The following MFSD11 variants were observed in gnomAD, a reference collection of about 807,000 sequenced individuals.
MFSD11 encodes UNC93-like protein MFSD11.
In MFSD11, 36 loss-of-function variants were observed where a neutral mutation model predicts 53.5. The ratio of observed to expected loss-of-function variants is 0.67; its 90% CI spans 0.52 to 0.89. The LOEUF (loss-of-function observed/expected upper bound fraction) is 0.89, where lower values mean the gene tolerates loss of function less well. Ranked by LOEUF, MFSD11 falls within the 40% of genes least tolerant of loss-of-function variation. The pLI, the probability that MFSD11 is intolerant of heterozygous loss-of-function variation, is 0.00. For synonymous variants in MFSD11, 186 were observed against 184.9 expected, an observed-to-expected ratio of 1.01 and a Z score of -0.05; for missense variants, 530 against 543.9, an observed-to-expected ratio of 0.97 and a Z score of 0.25.
the MFSD11 span, among the ~76,000 whole-genome samples, chr17:76,800,717 A>C: frequency 6.6e-6 from 1 of 152,116 alleles, no homozygotes; most frequent in African/African-American, 2.4e-5. Context: ...AAATAACCTT[A>C]AGATGTGTTT....
At chr17:76,802,346 G>A in the MFSD11 span, among the ~76,000 whole-genome samples, 2 of 152,082 alleles carry the variant, frequency 1.3e-5, no homozygotes, top group African/African-American at 2.4e-5. Flanking sequence ...TGGAGAAACT[G>A]GAACCCTCAC....
Position 76,738,515 on chromosome 17 carries a change from A to G in MFSD11, c.96+67A>G, listed in dbSNP as rs747742247. 1.5e-5 allele frequency: 18 copies of G among 1,208,866 alleles called. No homozygotes were observed. The East Asian group carries it at 1.7e-4, about 11-fold the overall frequency. The allele number at this position is 1,208,866 out of a possible 1,614,324, so 74.9% of individuals were successfully genotyped here. On this transcript the variant is annotated intron_variant, in intron 1 of 12. Coordinates refer to ENST00000685175, the MANE Select transcript of MFSD11 (RefSeq NM_001242532.5). The stretch of plus-strand genomic sequence containing the variant: ...TAATGCAGTCCAGAAATGAAAATAA[A>G]CGTTCATTATATCTAATAGCGCGCT...
chr17:76,769,651 C>G, intron 9 of MFSD11, 95 bp from the exon 10 acceptor site: 1 of 926,952 alleles, frequency 1.1e-6, no homozygotes, highest in Non-Finnish European at 1.6e-6. Flanking sequence ...ATGTGTTTTA[C>G]TACGCAAGTA....
At chr17:76,763,157 T>G (rs970393788) in intron 8 of MFSD11, among the ~76,000 whole-genome samples, 3 of 152,230 alleles carry the variant, frequency 2.0e-5, no homozygotes, top group African/African-American at 7.2e-5. Context: ...ATCTGACTGC[T>G]TAGCCTGTGG....
chr17:76,739,239 T>G (rs1049696076), intron 2 of MFSD11, among the ~76,000 whole-genome samples: 1 of 152,238 alleles, frequency 6.6e-6, no homozygotes, highest in Non-Finnish European at 1.5e-5. Context: ...GGTAAGTGTT[T>G]CCGTGAGCCT....
chr17:76,748,390 G>T (rs1157076480), intron 7 of MFSD11, among the ~76,000 whole-genome samples: 3 of 152,166 alleles, frequency 2.0e-5, no homozygotes, highest in Non-Finnish European at 4.4e-5. Context: ...CAAAGAGACA[G>T]CTCTGTCTGT....
intron 7 of MFSD11, among the ~76,000 whole-genome samples, chr17:76,747,113 T>A (rs2078624663): frequency 1.3e-5 from 2 of 152,078 alleles, no homozygotes; most frequent in Non-Finnish European, 2.9e-5. Context: ...AGAAATACAT[T>A]TCATGAGGAT....
chr17:76,748,572 A>C (rs1387919359), intron 7 of MFSD11, among the ~76,000 whole-genome samples: 2 of 151,538 alleles, frequency 1.3e-5, no homozygotes, highest in Non-Finnish European at 2.9e-5. Context: ...CTGTAGTCCC[A>C]GCTACTTGAG....
the MFSD11 span, among the ~76,000 whole-genome samples, chr17:76,795,722 C>T: frequency 0.65 from 99,291 of 151,754 alleles, 33,507 homozygotes; most frequent in Middle Eastern, 0.77. Flanking sequence ...CCTACCAGAT[C>T]AGCTCACTGC....
upstream of MFSD11, chr17:76,737,306 C>T (rs1023820099): frequency 8.7e-6 from 10 of 1,154,322 alleles, no homozygotes; most frequent in Admixed American, 8.8e-5. Context: ...ACGGGCTCCG[C>T]AGGCTAGCGC....
the MFSD11 span, among the ~76,000 whole-genome samples, chr17:76,796,976 T>C: frequency 5.9e-5 from 9 of 152,040 alleles, no homozygotes; most frequent in Non-Finnish European, 1.0e-4. Context: ...GAGACCAGCC[T>C]GACCAACATG....
At chr17:76,800,221 A>G in the MFSD11 span, among the ~76,000 whole-genome samples, 4 of 152,106 alleles carry the variant, frequency 2.6e-5, no homozygotes, top group Middle Eastern at 6.8e-3. Flanking sequence ...TCCCAAAGTG[A>G]TGGGATTACA....
chr17:76,766,098 T>C (rs74954420), intron 8 of MFSD11, among the ~76,000 whole-genome samples: 6,534 of 150,764 alleles, frequency 0.043, 484 homozygotes, highest in African/African-American at 0.15. Context: ...TTTCTTTTTG[T>C]TAGCTAAGTC....
the MFSD11 span, among the ~76,000 whole-genome samples, chr17:76,799,955 CT>C: frequency 0.12 from 16,977 of 136,254 alleles, 537 homozygotes; most frequent in Admixed American, 0.19. Flanking sequence ...TTTCTTTTTC[CT>C]TTTTTTTTTT....
intron 7 of MFSD11, among the ~76,000 whole-genome samples, chr17:76,751,215 C>T (rs1412479405): frequency 6.6e-6 from 1 of 151,102 alleles, no homozygotes; most frequent in East Asian, 2.0e-4. Flanking sequence ...ACGGTGAAAC[C>T]CATCTCTACT....
chr17:76,755,712 G>C (rs1311189533), intron 8 of MFSD11, among the ~76,000 whole-genome samples: 2 of 134,100 alleles, frequency 1.5e-5, no homozygotes, highest in Non-Finnish European at 3.2e-5. Flanking sequence ...ATATATATGT[G>C]TATATATATG....
At chr17:76,798,265 T>A in the MFSD11 span, among the ~76,000 whole-genome samples, 6 of 152,082 alleles carry the variant, frequency 3.9e-5, no homozygotes, top group Admixed American at 3.9e-4. Context: ...AAGAGATGTG[T>A]AAGGTGAGCT....
downstream of MFSD11, among the ~76,000 whole-genome samples, chr17:76,779,505 G>T (rs2144977455): frequency 6.6e-6 from 1 of 152,006 alleles, no homozygotes; most frequent in East Asian, 1.9e-4. Context: ...TTTATTTAGA[G>T]ACGGAGTCTC....
the MFSD11 span, among the ~76,000 whole-genome samples, chr17:76,798,118 G>A: frequency 4.6e-5 from 7 of 152,112 alleles, no homozygotes; most frequent in African/African-American, 1.2e-4. Context: ...GAACTCCCAC[G>A]CTCAAGCAAT....
Sources: allele counts gnomAD v4.1 joint callset (sites outside exome capture counted in the v4.1 genomes callset), GRCh38; gene constraint gnomAD v4.1.1; transcripts MANE v1.5; gene names NCBI Gene and HGNC (gene_info 2026-07-23, HGNC 2026-07-21).